SMYD3: variants seen among roughly 807,000 people sequenced by gnomAD.
The protein encoded by SMYD3 is histone-lysine N-methyltransferase SMYD3.
SMYD3 carries 36 observed loss-of-function variants against 57.7 expected under a neutral mutation model. That is an observed-to-expected ratio of 0.62 (90% CI 0.48 to 0.82). The LOEUF (loss-of-function observed/expected upper bound fraction) is 0.82. Ranked by LOEUF, SMYD3 falls within the 40% of genes least tolerant of loss-of-function variation. The pLI is 0.00. For synonymous variants in SMYD3, 211 were observed against 195.0 expected, an observed-to-expected ratio of 1.08 and a Z score of -0.68; for missense variants, 515 against 538.8, an observed-to-expected ratio of 0.96 and a Z score of 0.44.
At chr1:246,034,089 G>T (rs947703350) in intron 5 of SMYD3, among the ~76,000 whole-genome samples, 1 of 152,106 alleles carries the variant, frequency 6.6e-6, no homozygotes, top group African/African-American at 2.4e-5. Flanking sequence ...GCCTAGCACA[G>T]ACAGTTCTTG....
At chr1:245,785,640 C>CGAGAGA (rs1388018057) in intron 10 of SMYD3, among the ~76,000 whole-genome samples, 2 of 140,806 alleles carry the variant, frequency 1.4e-5, no homozygotes, top group Non-Finnish European at 3.1e-5. Flanking sequence ...AGAGAGAGAG[C>CGAGAGA]GAGCGAGAGA....
intron 10 of SMYD3, among the ~76,000 whole-genome samples, chr1:245,809,015 A>C (rs534922009): frequency 2.2e-4 from 34 of 152,258 alleles, no homozygotes; most frequent in African/African-American, 7.2e-4. Context: ...TCGGCCTCCC[A>C]AAGTGCTGGG....
At chr1:246,002,486 T>TC (rs2059085384) in intron 5 of SMYD3, among the ~76,000 whole-genome samples, 1 of 62,184 alleles carries the variant, frequency 1.6e-5, no homozygotes, top group Non-Finnish European at 3.5e-5. Flanking sequence ...GCCCGGCTAA[T>TC]TTTTTGTATT....
intron 11 of SMYD3, among the ~76,000 whole-genome samples, chr1:245,758,256 A>G (rs2148029305): frequency 6.6e-6 from 1 of 152,270 alleles, no homozygotes; most frequent in Non-Finnish European, 1.5e-5. Context: ...TACCTTGCTT[A>G]ATTCACTTAT....
At chr1:246,481,790 G>T (rs1028912411) in intron 1 of SMYD3, among the ~76,000 whole-genome samples, 10 of 148,820 alleles carry the variant, frequency 6.7e-5, no homozygotes, top group Middle Eastern at 3.5e-3. Context: ...TATATAGAGA[G>T]AGAGAGATCG....
chr1:246,426,700 C>T (rs11800474), intron 1 of SMYD3, among the ~76,000 whole-genome samples: 32,026 of 152,034 alleles, frequency 0.21, 3,676 homozygotes, highest in Non-Finnish European at 0.26. Context: ...TTAATACTGC[C>T]AGTACAATGG....
chr1:245,979,602 G>A (rs897953387), intron 5 of SMYD3, among the ~76,000 whole-genome samples: 46 of 152,078 alleles, frequency 3.0e-4, no homozygotes, highest in Admixed American at 2.8e-3. Context: ...GGAAAGAAAC[G>A]GAACAGTCTG....
intron 5 of SMYD3, among the ~76,000 whole-genome samples, chr1:246,169,405 C>G (rs1296364072): frequency 2.0e-4 from 9 of 45,666 alleles, no homozygotes; most frequent in South Asian, 5.6e-4. Context: ...AAAAAAAAAA[C>G]CTCTAACAAT....
chr1:246,151,796 G>GT lies in SMYD3; in HGVS notation c.531+175404dup, dbSNP rs372209261. 8.1e-3 allele frequency among the ~76,000 whole-genome samples: 1,239 copies of GT among 152,274 alleles called. 18 individuals are homozygous for GT. The highest frequency in any genetic ancestry group is 0.028 in the African/African-American group (1,168 of 41,542). On this transcript the variant is annotated intron_variant, in intron 5 of 11. Coordinates refer to ENST00000490107, the MANE Select transcript of SMYD3 (RefSeq NM_001167740.2). ...GCTGTGCATTCCCAAGGATTCAGGCGTATGTAGGCCTGTCTGGCATTCTAC... is the reference window on the plus strand; with the variant it reads ...GCTGTGCATTCCCAAGGATTCAGGCGTTATGTAGGCCTGTCTGGCATTCTAC...
At chr1:245,762,648 C>T (rs761615201) in intron 11 of SMYD3, among the ~76,000 whole-genome samples, 61 of 152,276 alleles carry the variant, frequency 4.0e-4, no homozygotes, top group African/African-American at 1.0e-3. Flanking sequence ...GTGTTACTCC[C>T]GTTGGCCACA....
chr1:246,217,342 C>T (rs1446381652), intron 5 of SMYD3, among the ~76,000 whole-genome samples: 1 of 152,044 alleles, frequency 6.6e-6, no homozygotes, highest in Admixed American at 6.5e-5. Flanking sequence ...CGTAGGGAGA[C>T]CCTGTCTCTA....
At chr1:245,884,915 C>G (rs1014342613) in intron 8 of SMYD3, among the ~76,000 whole-genome samples, 2 of 152,042 alleles carry the variant, frequency 1.3e-5, no homozygotes, top group Non-Finnish European at 2.9e-5. Flanking sequence ...AGCGGCAACC[C>G]ACTCGGGTCC....
rs11801793 is a variant in SMYD3, at chr1:245,861,249, T to C, written c.901+2550A>G. On this transcript the variant is annotated intron_variant, in intron 9 of 11. Coordinates refer to ENST00000490107, the MANE Select transcript of SMYD3 (RefSeq NM_001167740.2). ...TAGTCCCTGGCATCTGTGTGGTGTT[T>C]ACTACAATTCACTCTGTTCCAGTAC... Among the ~76,000 whole-genome samples, 552 of 152,374 alleles carry C rather than the reference T, an allele frequency of 3.6e-3. 2 individuals carry two copies. Among genetic ancestry groups the C allele is most frequent in the Middle Eastern group, 0.01 (3 of 294 alleles).
At chr1:245,820,990 A>C (rs936137278) in intron 10 of SMYD3, among the ~76,000 whole-genome samples, 2 of 151,136 alleles carry the variant, frequency 1.3e-5, no homozygotes, top group African/African-American at 4.8e-5. Flanking sequence ...TTACAGATTC[A>C]ATGCCATCCC....
At chr1:246,050,141 T>A (rs772415302) in intron 5 of SMYD3, among the ~76,000 whole-genome samples, 6 of 152,150 alleles carry the variant, frequency 3.9e-5, no homozygotes, top group Non-Finnish European at 8.8e-5. Context: ...AGATCAGAGG[T>A]TCCATATAGG....
chr1:245,765,476 G>C (rs2791380), intron 10 of SMYD3, among the ~76,000 whole-genome samples: 28,038 of 152,072 alleles, frequency 0.18, 3,874 homozygotes, highest in African/African-American at 0.38. Flanking sequence ...CAATGTTACA[G>C]GACGGAGCAT....
intron 1 of SMYD3, among the ~76,000 whole-genome samples, chr1:246,376,119 A>G (rs1241821070): frequency 1.3e-5 from 2 of 152,136 alleles, no homozygotes; most frequent in African/African-American, 4.8e-5. Context: ...ACACGTGATA[A>G]AGGAATGTCT....
At chr1:245,857,770 T>A (rs1397444458) in intron 10 of SMYD3, among the ~76,000 whole-genome samples, 1 of 152,148 alleles carries the variant, frequency 6.6e-6, no homozygotes, top group African/African-American at 2.4e-5. Context: ...TCTAGAATTA[T>A]GTTCTCAGCC....
chr1:246,413,871 A>G (rs1304036025), intron 1 of SMYD3, among the ~76,000 whole-genome samples: 1 of 152,228 alleles, frequency 6.6e-6, no homozygotes, highest in African/African-American at 2.4e-5. Context: ...ACAGCAGCCT[A>G]ATACAATGCA....
Sources: gnomAD v4.1 joint callset for allele counts (sites outside exome capture counted in the v4.1 genomes callset) on GRCh38, gnomAD v4.1.1 for gene constraint, MANE v1.5 for transcripts, NCBI Gene and HGNC (gene_info 2026-07-23, HGNC 2026-07-21) for gene names.